COL8A1: variants seen among roughly 807,000 people sequenced by gnomAD.
COL8A1 encodes collagen type VIII alpha 1 chain.
A neutral mutation model predicts 42.7 loss-of-function variants in COL8A1; 21 were observed. The observed-to-expected ratio is 0.49, with a 90% confidence interval of 0.35 to 0.71. COL8A1 has a LOEUF of 0.71. Among genes scored for constraint, COL8A1 ranks in the 30% least tolerant of loss-of-function variants. The pLI is 0.01. For missense variants in COL8A1, 788 were observed against 962.4 expected (o/e 0.82, Z 2.40); for synonymous variants, 367 against 369.1 (o/e 0.99, Z 0.06).
chr3:99,690,113 C>T (rs988891681), intron 1 of COL8A1, among the ~76,000 whole-genome samples: 7 of 152,250 alleles, frequency 4.6e-5, no homozygotes, highest in African/African-American at 1.7e-4. Context: ...AAGTGTATGC[C>T]ACTGTTTGTT....
intron 1 of COL8A1, among the ~76,000 whole-genome samples, chr3:99,703,095 A>G (rs1939585902): frequency 6.6e-6 from 1 of 152,202 alleles, no homozygotes; most frequent in South Asian, 2.1e-4. Context: ...AGGACCTCAT[A>G]ATGCATCAGC....
chr3:99,793,527 G>A (rs1255229069), intron 3 of COL8A1, among the ~76,000 whole-genome samples: 1 of 151,858 alleles, frequency 6.6e-6, no homozygotes, highest in Non-Finnish European at 1.5e-5. Context: ...GGGCTTATAG[G>A]CAAATTTGAT....
chr3:99,694,138 C>T (rs952481125), intron 1 of COL8A1, among the ~76,000 whole-genome samples: 4 of 152,086 alleles, frequency 2.6e-5, no homozygotes, highest in African/African-American at 7.2e-5. Flanking sequence ...TGCCTAATGA[C>T]GCATTTCTCA....
At chr3:99,758,520 C>A (rs1941304001) in intron 2 of COL8A1, among the ~76,000 whole-genome samples, 2 of 152,124 alleles carry the variant, frequency 1.3e-5, no homozygotes, top group Admixed American at 1.3e-4. Context: ...GTAACAGATA[C>A]TTTATTGAAA....
chr3:99,781,150 G>A (rs942752177), intron 2 of COL8A1, among the ~76,000 whole-genome samples: 3 of 152,120 alleles, frequency 2.0e-5, no homozygotes, highest in Non-Finnish European at 4.4e-5. Context: ...TGCTACTCCT[G>A]AACCATGCAC....
Position 99,798,665 on chromosome 3 carries a change from T to C in COL8A1, c.*2529T>C, listed in dbSNP as rs1328355243. On this transcript the variant is annotated 3_prime_UTR_variant, in exon 4 of 4. Coordinates refer to ENST00000652472, the MANE Select transcript of COL8A1 (RefSeq NM_020351.4). ...GCGTGAGCGCACGTGTGTGTATGCGTGCGCATGTGTGTGTATGTGTATTAT... is the reference window on the plus strand; with the variant it reads ...GCGTGAGCGCACGTGTGTGTATGCGCGCGCATGTGTGTGTATGTGTATTAT... The C allele has an allele frequency of 6.6e-6, 1 of 152,132 alleles. No individual in the cohort carries two copies. Among genetic ancestry groups the C allele is most frequent in the Non-Finnish European group, 1.5e-5 (1 of 68,040 alleles). 9.4% of individuals were successfully genotyped at this position (152,132 alleles called of 1,614,324 possible).
At chr3:99,790,613 C>G in intron 2 of COL8A1, 67 bp from the exon 3 acceptor site, 1 of 1,340,290 alleles carries the variant, frequency 7.5e-7, no homozygotes, top group Non-Finnish European at 1.0e-6. Flanking sequence ...CATTCTATCT[C>G]TAAATAAACT....
intron 2 of COL8A1, among the ~76,000 whole-genome samples, chr3:99,756,136 T>C (rs1941249647): frequency 6.6e-6 from 1 of 151,660 alleles, no homozygotes; most frequent in Non-Finnish European, 1.5e-5. Flanking sequence ...GAATGTCTCC[T>C]GCACTTTGAG....
At chr3:99,703,078 A>G (rs189417092) in intron 1 of COL8A1, among the ~76,000 whole-genome samples, 6 of 152,338 alleles carry the variant, frequency 3.9e-5, no homozygotes, top group African/African-American at 1.4e-4. Context: ...AGGAATCCTC[A>G]ATATGCAGGA....
At chr3:99,662,910 G>A (rs551694840) in intron 1 of COL8A1, among the ~76,000 whole-genome samples, 26 of 152,064 alleles carry the variant, frequency 1.7e-4, no homozygotes, top group Non-Finnish European at 3.4e-4. Flanking sequence ...TGGAGTAGGG[G>A]CTGCTTAAGG....
At chr3:99,729,445 C>A (rs563095023) in intron 1 of COL8A1, among the ~76,000 whole-genome samples, 3 of 151,782 alleles carry the variant, frequency 2.0e-5, no homozygotes, top group East Asian at 3.9e-4. Flanking sequence ...GTCATGAGAC[C>A]ATTGCATGGG....
At chr3:99,686,798 C>T (rs1939066417) in intron 1 of COL8A1, among the ~76,000 whole-genome samples, 2 of 152,198 alleles carry the variant, frequency 1.3e-5, no homozygotes, top group African/African-American at 4.8e-5. Flanking sequence ...ATCTCAGCCT[C>T]CCAAGTAGGT....
intron 1 of COL8A1, among the ~76,000 whole-genome samples, chr3:99,716,022 T>C (rs911409601): frequency 1.2e-4 from 18 of 152,126 alleles, no homozygotes; most frequent in African/African-American, 4.1e-4. Context: ...TATTTTACAG[T>C]GGTATAACCC....
At chr3:99,654,787 CA>C (rs879344942) in intron 1 of COL8A1, among the ~76,000 whole-genome samples, 94 of 134,438 alleles carry the variant, frequency 7.0e-4, no homozygotes, top group East Asian at 1.7e-3. Flanking sequence ...GACCCTGTCT[CA>C]AAAAAAAAAA....
intron 1 of COL8A1, among the ~76,000 whole-genome samples, chr3:99,688,489 G>A (rs1023522896): frequency 2.0e-5 from 3 of 152,030 alleles, no homozygotes; most frequent in African/African-American, 7.3e-5. Flanking sequence ...TAAGAACCCT[G>A]GTGATCAGAT....
chr3:99,770,332 A>G (rs1434073440), intron 2 of COL8A1, among the ~76,000 whole-genome samples: 1 of 152,206 alleles, frequency 6.6e-6, no homozygotes, highest in East Asian at 1.9e-4. Flanking sequence ...AGGTTTTCTC[A>G]ATTACCTTCA....
At chr3:99,785,775 G>A (rs917831916) in intron 2 of COL8A1, among the ~76,000 whole-genome samples, 2 of 152,146 alleles carry the variant, frequency 1.3e-5, no homozygotes, top group African/African-American at 4.8e-5. Flanking sequence ...AAGCCAAGGC[G>A]AGAGGCTCCA....
At chr3:99,729,661 A>G (rs1346907391) in intron 1 of COL8A1, among the ~76,000 whole-genome samples, 3 of 152,016 alleles carry the variant, frequency 2.0e-5, no homozygotes, top group East Asian at 1.9e-4. Context: ...TCATAATCCT[A>G]GAGTTTTATG....
At chr3:99,664,719 T>G (rs1051207677) in intron 1 of COL8A1, among the ~76,000 whole-genome samples, 1 of 152,144 alleles carries the variant, frequency 6.6e-6, no homozygotes, top group Non-Finnish European at 1.5e-5. Flanking sequence ...GGACTAGCTT[T>G]TTAAAAATTG....
Sources: gnomAD v4.1 joint callset for allele counts (sites outside exome capture counted in the v4.1 genomes callset) on GRCh38, gnomAD v4.1.1 for gene constraint, MANE v1.5 for transcripts, NCBI Gene and HGNC (gene_info 2026-07-23, HGNC 2026-07-21) for gene names.